The following CSMD2 variants were observed in gnomAD, a reference collection of about 807,000 sequenced individuals.
CSMD2 encodes the protein CUB and Sushi multiple domains 2.
Under a neutral mutation model 398.5 loss-of-function variants are expected in CSMD2, and 130 were observed. The ratio of observed to expected loss-of-function variants is 0.33; its 90% confidence interval spans 0.28 to 0.38. The LOEUF (loss-of-function observed/expected upper bound fraction) is 0.38, where lower values mean the gene tolerates loss of function less well. CSMD2 is among the 10% of genes least tolerant of loss of function. CSMD2 has a pLI of 1.00. For synonymous variants in CSMD2, 1,828 were observed against 1,908.5 expected, an observed-to-expected ratio of 0.96 and a Z score of 1.10; for missense variants, 3,829 against 4,764.9, an observed-to-expected ratio of 0.80 and a Z score of 5.78.
intron 13 of CSMD2, among the ~76,000 whole-genome samples, chr1:33,764,587 A>G (rs1035142557): frequency 6.6e-6 from 1 of 152,232 alleles, no homozygotes; most frequent in Admixed American, 6.5e-5. Context: ...CTGTAGGTCA[A>G]TGAAACCTTG....
intron 44 of CSMD2, among the ~76,000 whole-genome samples, chr1:33,592,760 T>C (rs1442548519): frequency 6.6e-6 from 1 of 152,010 alleles, no homozygotes; most frequent in Non-Finnish European, 1.5e-5. Flanking sequence ...CCATCCTGGC[T>C]AACACGGTGA....
In CSMD2 at chr1:33,819,855, T is replaced by G. The variant is rs1258536436; in HGVS notation, c.1200-18A>C. 6.2e-7 allele frequency: 1 copy of G among 1,613,432 alleles called. No homozygotes were observed. Among genetic ancestry groups the G allele is most frequent in the Non-Finnish European group, 8.5e-7 (1 of 1,179,728 alleles). ...ATCCTAACCTGGGAGACAAAGTGTG[T>G]CTGTGAGCTCCATCCCTGGGCCTGC... On this transcript the variant is annotated intron_variant, in intron 8 of 70. Transcript: ENST00000373381.
At chr1:33,866,452 C>T (rs1007031143) in intron 5 of CSMD2, among the ~76,000 whole-genome samples, 1 of 152,246 alleles carries the variant, frequency 6.6e-6, no homozygotes, top group Non-Finnish European at 1.5e-5. Context: ...CCTTATTCCA[C>T]TTGACAACTT....
intron 5 of CSMD2, among the ~76,000 whole-genome samples, chr1:33,876,808 G>T (rs12090762): frequency 1.3e-5 from 2 of 152,200 alleles, no homozygotes; most frequent in East Asian, 3.9e-4. Flanking sequence ...TAATGCCCTG[G>T]AACTCTCAAG....
intron 59 of CSMD2, 132 bp from the exon 60 acceptor site, chr1:33,540,830 C>A: frequency 1.0e-6 from 1 of 995,324 alleles, no homozygotes. Flanking sequence ...CAGAATGGGG[C>A]CCTCTTACTG....
At chr1:34,060,204 A>T (rs1365448846) in intron 2 of CSMD2, among the ~76,000 whole-genome samples, 1 of 152,112 alleles carries the variant, frequency 6.6e-6, no homozygotes, top group Admixed American at 6.5e-5. Context: ...TAAGAAGAGG[A>T]TCTGCAGGCA....
chr1:33,883,484 C>A (rs1181355710), intron 5 of CSMD2, among the ~76,000 whole-genome samples: 2 of 151,368 alleles, frequency 1.3e-5, no homozygotes, highest in Non-Finnish European at 2.9e-5. Context: ...TTTTTTAAGT[C>A]AGTATTTCTC....
intron 13 of CSMD2, among the ~76,000 whole-genome samples, chr1:33,748,350 G>A (rs931470696): frequency 1.4e-4 from 22 of 152,192 alleles, no homozygotes; most frequent in African/African-American, 4.8e-4. Context: ...GTTAAAAGAA[G>A]GAGATCAGGC....
In CSMD2 at chr1:33,519,714, G is replaced by A. The variant is rs372464364; in HGVS notation, c.10737-37C>T. On this transcript the variant is annotated intron_variant, in intron 69 of 70. Coordinates refer to ENST00000373381, the MANE Select transcript of CSMD2 (RefSeq NM_001281956.2). The surrounding 1 kb of genome is among the most constrained non-coding windows in gnomAD (Gnocchi z 5.6). ...AGAGGAAGTGCCCACGGCATGAAAA[G>A]AGCGACACAGAGAGGCTTAGGGGTC... 2.1e-4 allele frequency: 340 copies of A among 1,613,784 alleles called. No homozygotes were observed. The highest frequency in any genetic ancestry group is 2.8e-4 in the Non-Finnish European group (328 of 1,179,900).
intron 5 of CSMD2, among the ~76,000 whole-genome samples, chr1:33,913,147 T>C (rs1196076351): frequency 6.6e-6 from 1 of 152,170 alleles, no homozygotes; most frequent in Non-Finnish European, 1.5e-5. Flanking sequence ...CTGGCCAGTG[T>C]GGGGCTAGAT....
At chr1:33,956,512 T>C (rs970487853) in intron 3 of CSMD2, among the ~76,000 whole-genome samples, 1 of 152,170 alleles carries the variant, frequency 6.6e-6, no homozygotes, top group East Asian at 1.9e-4. Flanking sequence ...GTGTCTGCTT[T>C]TTAAGTTATG....
chr1:33,948,026 T>C (rs1644891643), intron 3 of CSMD2, among the ~76,000 whole-genome samples: 1 of 152,172 alleles, frequency 6.6e-6, no homozygotes, highest in Non-Finnish European at 1.5e-5. Flanking sequence ...AAGGAAGAGT[T>C]GGTGAGTCAT....
chr1:33,971,815 T>TG, intron 3 of CSMD2, among the ~76,000 whole-genome samples: 1 of 152,162 alleles, frequency 6.6e-6, no homozygotes, highest in Non-Finnish European at 1.5e-5. Flanking sequence ...CAGAGTGCCC[T>TG]GGGAGCCATG....
chr1:33,564,078 TTCATCA>T (rs3043323), intron 53 of CSMD2, among the ~76,000 whole-genome samples: 3 of 151,198 alleles, frequency 2.0e-5, no homozygotes, highest in Admixed American at 6.6e-5. Flanking sequence ...TACCATCATC[TTCATCA>T]TCATCATCAT....
chr1:33,877,548 C>T (rs1222030843), intron 5 of CSMD2, among the ~76,000 whole-genome samples: 3 of 152,138 alleles, frequency 2.0e-5, no homozygotes, highest in Non-Finnish European at 4.4e-5. Context: ...AATTTAGCTG[C>T]TTAGAGGATT....
At chr1:33,986,965 G>A (rs1043671269) in intron 3 of CSMD2, among the ~76,000 whole-genome samples, 1 of 152,148 alleles carries the variant, frequency 6.6e-6, no homozygotes, top group Non-Finnish European at 1.5e-5. Flanking sequence ...AGGAGGGGCT[G>A]CAGGGTCTGC....
rs759708482 is a variant in CSMD2, at chr1:33,525,057, G to A, written c.10235-14C>T. On this transcript the variant is annotated splice_polypyrimidine_tract_variant and intron_variant, in intron 65 of 70. Transcript: ENST00000373381. ...CATCCCCAGGAACTAGAGGAATTGA[G>A]AAATAGATGTGAGAGGGACTTTGTG... 5 of 1,613,746 alleles carry A rather than the reference G, an allele frequency of 3.1e-6. No homozygotes were observed. In the Admixed American group the frequency reaches 5.0e-5, roughly 16 times the overall value.
intron 15 of CSMD2, among the ~76,000 whole-genome samples, chr1:33,732,791 TG>T (rs547517496): frequency 5.9e-5 from 9 of 152,290 alleles, no homozygotes; most frequent in Admixed American, 5.9e-4. Flanking sequence ...TAGGGAATGG[TG>T]ACAGAATAGA....
chr1:33,940,105 C>T (rs1247489044), intron 3 of CSMD2, among the ~76,000 whole-genome samples: 1 of 152,144 alleles, frequency 6.6e-6, no homozygotes, highest in African/African-American at 2.4e-5. Flanking sequence ...TGAATCCTTC[C>T]TTTTCTCTTC....
Sources: allele counts gnomAD v4.1 joint callset (sites outside exome capture counted in the v4.1 genomes callset), GRCh38; gene constraint gnomAD v4.1.1; non-coding constraint Gnocchi (gnomAD v3.1); transcripts MANE v1.5; gene names NCBI Gene and HGNC (gene_info 2026-07-23, HGNC 2026-07-21).